The following ATP11B variants were observed in gnomAD, a reference collection of about 807,000 sequenced individuals.
ATP11B encodes the protein ATPase phospholipid transporting 11B (putative), also known as phospholipid-transporting ATPase IF.
In ATP11B, 81 loss-of-function variants were observed where a neutral mutation model predicts 157.8. The observed-to-expected ratio is 0.51, with a 90% CI of 0.43 to 0.62. The LOEUF (loss-of-function observed/expected upper bound fraction) is 0.62, where lower values mean the gene tolerates loss of function less well. ATP11B is among the 20% of genes least tolerant of loss of function. The pLI, the probability that ATP11B is intolerant of heterozygous loss-of-function variation, is 0.00. For synonymous variants in ATP11B, 451 were observed against 469.4 expected (o/e 0.96, Z 0.51); for missense variants, 1,165 against 1,402.2 (o/e 0.83, Z 2.70).
At chr3:182,906,827 G>A (rs1386635211) in intron 28 of ATP11B, among the ~76,000 whole-genome samples, 7 of 151,172 alleles carry the variant, frequency 4.6e-5, no homozygotes, top group Admixed American at 3.9e-4. Context: ...GGTGGCTCAC[G>A]CCTGTAATCC....
At chr3:182,871,819 CTT>C (rs745352501) in intron 17 of ATP11B, among the ~76,000 whole-genome samples, 10 of 145,304 alleles carry the variant, frequency 6.9e-5, no homozygotes, top group African/African-American at 1.0e-4. Flanking sequence ...TTTTGAGCAA[CTT>C]TTTTTTTTTT....
chr3:182,886,290 C>T (rs1722786848), intron 23 of ATP11B, among the ~76,000 whole-genome samples: 2 of 152,056 alleles, frequency 1.3e-5, no homozygotes, highest in Non-Finnish European at 2.9e-5. Flanking sequence ...ATTTTGATAA[C>T]TTATTTGTGA....
intron 12 of ATP11B, among the ~76,000 whole-genome samples, chr3:182,862,153 G>T (rs954984618): frequency 1.3e-5 from 2 of 151,964 alleles, no homozygotes; most frequent in Non-Finnish European, 2.9e-5. Context: ...AGTGGTGTGT[G>T]CCTGTGGTCC....
At position 182,873,872 on chromosome 3, in the gene ATP11B, G is replaced by A. The variant is rs865888191; in HGVS notation, c.2109G>A (p.Trp703Ter). 6.2e-7 allele frequency: 1 copy of A among 1,614,096 alleles called. No homozygotes were observed. The highest frequency in any genetic ancestry group is 8.5e-7 in the Non-Finnish European group (1 of 1,179,990). ...TGAGAATGGCTGGTATCAAAGTATGGGTACTTACTGGGGATAAACATGAAA... is the reference window on the plus strand; with the variant it reads ...TGAGAATGGCTGGTATCAAAGTATGAGTACTTACTGGGGATAAACATGAAA... Reference protein sequence around the residue: ...EALRMAGIKVWVLTGDKHETA... With the variant: ...EALRMAGIKV Residue 703 changes from tryptophan to a stop codon, truncating the protein, a stop_gained, in exon 19 of 30, where the codon TGG becomes TGA. Coordinates refer to ENST00000323116, the MANE Select transcript of ATP11B (RefSeq NM_014616.3). LOFTEE classifies it high-confidence loss of function.
At chr3:182,914,193 G>A (rs1396747118) in intron 29 of ATP11B, 199 bp downstream of exon 29, 1 of 1,391,328 alleles carries the variant, frequency 7.2e-7, no homozygotes, top group African/African-American at 1.5e-5. Flanking sequence ...CACAAAGGAA[G>A]AGAAAGCACC....
chr3:182,851,505 C>T lies in ATP11B; in HGVS notation c.851+2948C>T, dbSNP rs141129539. On this transcript the variant is annotated intron_variant, in intron 10 of 29. Coordinates refer to ENST00000323116, the MANE Select transcript of ATP11B (RefSeq NM_014616.3). ...AATTTTAAGCTTTCTTTTTCCCTTA[C>T]ATAAACAGCACAAAAGATGATGGGG... Among the ~76,000 whole-genome samples the T allele has an allele frequency of 4.4e-4, 67 of 152,200 alleles. 1 individual carries two copies. Among genetic ancestry groups the T allele is most frequent in the African/African-American group, 1.5e-3 (64 of 41,516 alleles).
At chr3:182,866,243 A>G in intron 13 of ATP11B, 25 bp from the exon 14 acceptor site, 2 of 1,469,886 alleles carry the variant, frequency 1.4e-6, no homozygotes, top group Non-Finnish European at 1.8e-6. Flanking sequence ...TATTTTTATC[A>G]TGAATATTAA....
intron 2 of ATP11B, among the ~76,000 whole-genome samples, chr3:182,823,508 G>A (rs571985335): frequency 0.011 from 1,614 of 152,036 alleles, 30 homozygotes; most frequent in African/African-American, 0.037. Flanking sequence ...TGCTGTTTTG[G>A]TTACTGTAGC....
chr3:182,892,188 C>CT (rs1305441453), intron 25 of ATP11B, among the ~76,000 whole-genome samples: 1 of 152,130 alleles, frequency 6.6e-6, no homozygotes, highest in African/African-American at 2.4e-5. Context: ...AATGCTCATG[C>CT]TTCCCTTTCC....
At chr3:182,854,632 A>T (rs1010471486) in intron 10 of ATP11B, among the ~76,000 whole-genome samples, 2 of 152,216 alleles carry the variant, frequency 1.3e-5, no homozygotes, top group Admixed American at 1.3e-4. Context: ...ACTTCTGCTC[A>T]TCAGGCTAAA....
intron 25 of ATP11B, among the ~76,000 whole-genome samples, chr3:182,891,554 G>A (rs542900043): frequency 2.3e-4 from 35 of 151,986 alleles, no homozygotes; most frequent in African/African-American, 6.5e-4. Flanking sequence ...TCATGATTAC[G>A]TAATACTCTA....
chr3:182,886,021 A>G lies in ATP11B; in HGVS notation c.2715+11A>G. On this transcript the variant is annotated intron_variant, in intron 23 of 29. Transcript: ENST00000323116. ...TTGTTTTCTCAGCAAGTAAGTAAAT[A>G]GAAACTTGTGTTTTGTGTTTTGTCC... 1 of 1,475,138 alleles carries G rather than the reference A, an allele frequency of 6.8e-7. No individual in the cohort carries two copies. Among genetic ancestry groups the G allele is most frequent in the Non-Finnish European group, 8.9e-7 (1 of 1,118,194 alleles). 91.4% of individuals were successfully genotyped at this position (1,475,138 alleles called of 1,614,324 possible). A position where few individuals can be genotyped will look rare whatever the true frequency, so the allele number is the denominator to read the frequency against.
At chr3:182,836,009 AT>A in intron 4 of ATP11B, 25 bp from the exon 5 acceptor site, 3 of 1,555,094 alleles carry the variant, frequency 1.9e-6, no homozygotes, top group Non-Finnish European at 2.6e-6. Flanking sequence ...CTGAAAAATT[AT>A]TTTTTACCCT....
At chr3:182,828,572 A>C (rs1264782341) in intron 3 of ATP11B, among the ~76,000 whole-genome samples, 10 of 152,000 alleles carry the variant, frequency 6.6e-5, no homozygotes, top group African/African-American at 2.4e-4. Context: ...CTGTGGAATC[A>C]TCTTTGTACA....
chr3:182,911,177 C>T (rs1215636373), intron 28 of ATP11B, among the ~76,000 whole-genome samples: 10 of 150,902 alleles, frequency 6.6e-5, no homozygotes, highest in South Asian at 6.3e-4. Flanking sequence ...TAAGCTTCTG[C>T]GGAATACACA....
At chr3:182,818,293 T>G (rs1352922704) in intron 1 of ATP11B, among the ~76,000 whole-genome samples, 1 of 152,244 alleles carries the variant, frequency 6.6e-6, no homozygotes, top group Non-Finnish European at 1.5e-5. Context: ...AGGAGTAGCC[T>G]TGAAACTATT....
chr3:182,915,717 T>C (rs1014246879), intron 29 of ATP11B: 3 of 985,102 alleles, frequency 3.0e-6, no homozygotes, highest in Non-Finnish European at 3.6e-6. Flanking sequence ...ATGCCCCCAT[T>C]ATTCTTTACA....
At chr3:182,800,405 A>AT (rs202241463) in intron 1 of ATP11B, among the ~76,000 whole-genome samples, 1 of 149,820 alleles carries the variant, frequency 6.7e-6, no homozygotes, top group Admixed American at 6.6e-5. Flanking sequence ...AAAAAAAAAA[A>AT]TTGTAGAGGT....
intron 19 of ATP11B, among the ~76,000 whole-genome samples, chr3:182,875,192 C>T (rs1242401650): frequency 1.3e-5 from 2 of 152,132 alleles, no homozygotes; most frequent in Non-Finnish European, 2.9e-5. Flanking sequence ...ATCAGAGCTG[C>T]TTGTATGTAA....
Sources: allele counts gnomAD v4.1 joint callset (sites outside exome capture counted in the v4.1 genomes callset), GRCh38; gene constraint gnomAD v4.1.1; transcripts MANE v1.5; gene names NCBI Gene and HGNC (gene_info 2026-07-23, HGNC 2026-07-21).